Variants in ADGRL2 observed in about 807,000 individuals in gnomAD.
ADGRL2 encodes the protein calcium-independent alpha-latrotoxin receptor 2.
Under a neutral mutation model 157.4 loss-of-function variants are expected in ADGRL2, and 44 were observed. That is an observed-to-expected ratio of 0.28 (90% CI 0.22 to 0.36). ADGRL2 has a LOEUF of 0.36. ADGRL2 is among the 10% of genes least tolerant of loss of function. ADGRL2 has a pLI of 1.00. For missense variants in ADGRL2, 1,510 were observed against 1,768.9 expected, an observed-to-expected ratio of 0.85 and a Z score of 2.63; for synonymous variants, 585 against 624.7, an observed-to-expected ratio of 0.94 and a Z score of 0.95.
intron 1 of ADGRL2, among the ~76,000 whole-genome samples, chr1:81,701,299 T>C (rs1406390320): frequency 6.6e-6 from 1 of 152,242 alleles, no homozygotes; most frequent in Admixed American, 6.5e-5. Context: ...GATATTTCTA[T>C]TTGACATTTC....
At chr1:81,848,626 C>T (rs2092888091) in intron 2 of ADGRL2, among the ~76,000 whole-genome samples, 1 of 151,790 alleles carries the variant, frequency 6.6e-6, no homozygotes, top group African/African-American at 2.4e-5. Context: ...TGTTTATTAC[C>T]ATTTTAGATG....
intron 2 of ADGRL2, among the ~76,000 whole-genome samples, chr1:81,856,753 G>C (rs2093216897): frequency 1.3e-5 from 2 of 151,852 alleles, no homozygotes; most frequent in Admixed American, 1.3e-4. Context: ...ATTAATACTA[G>C]TAATATGCCA....
At chr1:81,881,487 A>G (rs1482095233) in intron 2 of ADGRL2, among the ~76,000 whole-genome samples, 1 of 152,198 alleles carries the variant, frequency 6.6e-6, no homozygotes, top group Non-Finnish European at 1.5e-5. Flanking sequence ...TACTTCAAAT[A>G]TTAGTCCCAT....
chr1:81,785,608 G>A (rs113238148), intron 2 of ADGRL2, among the ~76,000 whole-genome samples: 461 of 152,038 alleles, frequency 3.0e-3, no homozygotes, highest in South Asian at 0.014. Context: ...CGCACCTGTA[G>A]TCCTAGCTAC....
chr1:81,919,464 T>A (rs1370567860), intron 3 of ADGRL2, among the ~76,000 whole-genome samples: 2 of 152,074 alleles, frequency 1.3e-5, no homozygotes, highest in Non-Finnish European at 2.9e-5. Flanking sequence ...ACAGACTTTA[T>A]ATGAAGAAAA....
At chr1:81,877,201 T>G (rs1404618961) in intron 2 of ADGRL2, among the ~76,000 whole-genome samples, 2 of 152,162 alleles carry the variant, frequency 1.3e-5, no homozygotes, top group African/African-American at 2.4e-5. Flanking sequence ...AGTATTTGCC[T>G]TCATCTCTGT....
At chr1:81,371,138 G>GGGCCTCCACCATCCA (rs2076153632) in intron 1 of ADGRL2, among the ~76,000 whole-genome samples, 7 of 152,130 alleles carry the variant, frequency 4.6e-5, no homozygotes, top group Admixed American at 4.6e-4. Context: ...AGCATCTTTA[G>GGGCCTCCACCATCCA]GGCCTCCACC....
intron 2 of ADGRL2, among the ~76,000 whole-genome samples, chr1:81,507,415 G>C (rs2078997605): frequency 6.6e-6 from 1 of 152,152 alleles, no homozygotes; most frequent in African/African-American, 2.4e-5. Flanking sequence ...TAACTCTTTG[G>C]AGCCCCTAGG....
At chr1:81,965,913 C>T (rs778997823) in intron 11 of ADGRL2, 145 bp from the exon 12 acceptor site, 3 of 810,926 alleles carry the variant, frequency 3.7e-6, no homozygotes, top group Middle Eastern at 3.4e-4. Flanking sequence ...GTTTTTAGTC[C>T]ATGATTTTTG....
At chr1:81,500,815 A>G (rs547451981) in intron 2 of ADGRL2, among the ~76,000 whole-genome samples, 1 of 152,328 alleles carries the variant, frequency 6.6e-6, no homozygotes, top group East Asian at 1.9e-4. Context: ...AAAAGTGCTT[A>G]AAATGGTAAA....
chr1:81,601,693 C>T (rs1326041300), intron 3 of ADGRL2, among the ~76,000 whole-genome samples: 1 of 152,124 alleles, frequency 6.6e-6, no homozygotes, highest in Non-Finnish European at 1.5e-5. Context: ...GAGAATGTGG[C>T]CAATTTCTTC....
At chr1:81,967,551 G>A (rs959050641) in intron 13 of ADGRL2, among the ~76,000 whole-genome samples, 12 of 152,144 alleles carry the variant, frequency 7.9e-5, no homozygotes, top group South Asian at 4.2e-4. Context: ...GTGAGCCACC[G>A]CGCCCGGCCT....
At position 81,843,369 on chromosome 1, in the gene ADGRL2, G is replaced by A. The variant is rs1270306808; in HGVS notation, c.73+6312G>A. On this transcript the variant is annotated intron_variant, in intron 2 of 23. Transcript: ENST00000686636. ...GCTGGTCTCAAACTCCTGACCTTGT[G>A]ATCTACTTGCCTTGGCCTCCCAAAG... Among the ~76,000 whole-genome samples the A allele has an allele frequency of 3.3e-5, 5 of 152,242 alleles. No homozygotes were observed. In the East Asian group the frequency reaches 7.7e-4, roughly 24 times the overall value.
chr1:81,954,282 C>A (rs1276915417), intron 10 of ADGRL2, among the ~76,000 whole-genome samples: 1 of 151,582 alleles, frequency 6.6e-6, no homozygotes, highest in African/African-American at 2.4e-5. Context: ...CATTTTGATC[C>A]CACTAGACGA....
At chr1:81,368,813 A>G (rs2076111539) in intron 1 of ADGRL2, among the ~76,000 whole-genome samples, 1 of 152,092 alleles carries the variant, frequency 6.6e-6, no homozygotes, top group South Asian at 2.1e-4. Flanking sequence ...GCATCGCTCC[A>G]TCCCATTTCC....
chr1:81,947,180 A>G (rs550414275), intron 6 of ADGRL2, among the ~76,000 whole-genome samples: 250 of 152,312 alleles, frequency 1.6e-3, no homozygotes, highest in Non-Finnish European at 2.9e-3. Flanking sequence ...GATTAGAGTC[A>G]TAATTCTATT....
chr1:81,404,152 T>G (rs1162949763), intron 1 of ADGRL2, among the ~76,000 whole-genome samples: 1 of 152,170 alleles, frequency 6.6e-6, no homozygotes, highest in Non-Finnish European at 1.5e-5. Flanking sequence ...AGTTAAATAT[T>G]AGTTCACTCT....
intron 2 of ADGRL2, among the ~76,000 whole-genome samples, chr1:81,547,106 A>G (rs999431792): frequency 6.6e-6 from 1 of 152,158 alleles, no homozygotes; most frequent in African/African-American, 2.4e-5. Context: ...CTGCTTTGGC[A>G]AAGTTGCCAG....
At chr1:81,752,434 A>G (rs1460634222) in intron 1 of ADGRL2, among the ~76,000 whole-genome samples, 2 of 152,244 alleles carry the variant, frequency 1.3e-5, no homozygotes, top group Admixed American at 1.3e-4. Context: ...ACAGCATTAT[A>G]ATAATGAAAG....
Sources: gnomAD v4.1 joint callset for allele counts (sites outside exome capture counted in the v4.1 genomes callset) on GRCh38, gnomAD v4.1.1 for gene constraint, MANE v1.5 for transcripts, NCBI Gene and HGNC (gene_info 2026-07-23, HGNC 2026-07-21) for gene names.